Variants in INSYN2B observed in about 807,000 individuals in gnomAD.
INSYN2B encodes the protein inhibitory synaptic factor family member 2B, also known as protein INSYN2B.
INSYN2B carries 16 observed loss-of-function variants against 41.2 expected under a neutral mutation model. That is an observed-to-expected ratio of 0.39 (90% CI 0.26 to 0.59). INSYN2B has a LOEUF of 0.59. Among genes scored for constraint, INSYN2B ranks in the 20% least tolerant of loss-of-function variants. The pLI, the probability that INSYN2B is intolerant of heterozygous loss-of-function variation, is 0.57. For synonymous variants in INSYN2B, 245 were observed against 244.4 expected, an observed-to-expected ratio of 1.00 and a Z score of -0.02; for missense variants, 608 against 646.4, an observed-to-expected ratio of 0.94 and a Z score of 0.64.
intron 1 of INSYN2B, among the ~76,000 whole-genome samples, chr5:169,899,192 G>A: frequency 6.6e-6 from 1 of 152,306 alleles, no homozygotes; most frequent in Middle Eastern, 3.4e-3. Flanking sequence ...ATGATGACAA[G>A]GTGGCTGCTG....
chr5:169,867,447 A>ATCTG (rs80041345), intron 3 of INSYN2B, among the ~76,000 whole-genome samples: 46,900 of 150,456 alleles, frequency 0.31, 8,301 homozygotes, highest in East Asian at 0.68. Flanking sequence ...CTATCTATCT[A>ATCTG]TCTGTCTGTC....
intron 1 of INSYN2B, among the ~76,000 whole-genome samples, chr5:169,918,404 G>C (rs1774993880): frequency 6.6e-6 from 1 of 152,118 alleles, no homozygotes; most frequent in Non-Finnish European, 1.5e-5. Context: ...CTGTAGCACT[G>C]TTTATAAATC....
chr5:169,928,984 G>A (rs1025040073), intron 1 of INSYN2B, among the ~76,000 whole-genome samples: 7 of 152,196 alleles, frequency 4.6e-5, no homozygotes, highest in African/African-American at 1.7e-4. Context: ...GGCCAAACAT[G>A]TAGGATGAGG....
intron 1 of INSYN2B, among the ~76,000 whole-genome samples, chr5:169,970,573 G>T (rs1229801202): frequency 2.0e-5 from 3 of 152,172 alleles, no homozygotes; most frequent in African/African-American, 7.2e-5. Flanking sequence ...CTGGTCCATG[G>T]TTTCCCCATC....
rs536012300 is a variant in INSYN2B at position 169,973,664 on chromosome 5, C to G, written c.-919+6613G>C. On this transcript the variant is annotated intron_variant, in intron 1 of 3. Coordinates refer to ENST00000377365, the MANE Select transcript of INSYN2B (RefSeq NM_001129891.3). The stretch of plus-strand genomic sequence containing the variant: ...ATCTATGAGAAACTAGATATATTTC[C>G]CAGTATGCGGTATTGGTACCTCATA... Among the ~76,000 whole-genome samples the G allele has an allele frequency of 2.0e-4, 30 of 152,292 alleles. No individual in the cohort carries two copies. The South Asian group carries it at 6.2e-3, about 32-fold the overall frequency.
chr5:169,928,295 G>T (rs1294024396), intron 1 of INSYN2B, among the ~76,000 whole-genome samples: 1 of 152,004 alleles, frequency 6.6e-6, no homozygotes, highest in Non-Finnish European at 1.5e-5. Context: ...GCCTGTTCTT[G>T]CCCAGTCTGT....
chr5:169,970,917 G>A (rs1234640186), intron 1 of INSYN2B, among the ~76,000 whole-genome samples: 1 of 151,806 alleles, frequency 6.6e-6, no homozygotes, highest in Non-Finnish European at 1.5e-5. Context: ...TGGGAGCTGG[G>A]TGCAGGAAGA....
intron 3 of INSYN2B, among the ~76,000 whole-genome samples, chr5:169,867,481 CATCT>C (rs1401692358): frequency 6.6e-6 from 1 of 152,134 alleles, no homozygotes; most frequent in African/African-American, 2.4e-5. Flanking sequence ...ATCCATCTAT[CATCT>C]ATCTAATCTA....
In INSYN2B at chr5:169,893,499, A is replaced by T. The variant is rs377210986; in HGVS notation, c.-918-8683T>A. On this transcript the variant is annotated intron_variant, in intron 1 of 3. Coordinates refer to ENST00000377365, the MANE Select transcript of INSYN2B (RefSeq NM_001129891.3). ...TTACCCTTTTTTTTTTTTTTAGGTC[A>T]TACCACTTTTTGACTTTAAATAATT... Among the ~76,000 whole-genome samples the T allele has an allele frequency of 4.6e-3, 654 of 141,558 alleles. 7 individuals carry two copies. Among genetic ancestry groups the T allele is most frequent in the African/African-American group, 0.016 (609 of 37,664 alleles). 92.9% of individuals were successfully genotyped at this position (141,558 alleles called of 152,430 possible). A position where few individuals can be genotyped will look rare whatever the true frequency, so the allele number is the denominator to read the frequency against.
At chr5:169,963,259 G>A (rs895115177) in intron 1 of INSYN2B, among the ~76,000 whole-genome samples, 1 of 152,076 alleles carries the variant, frequency 6.6e-6, no homozygotes, top group Non-Finnish European at 1.5e-5. Flanking sequence ...CTGATGAGAT[G>A]GATGATGACA....
At chr5:169,922,036 C>T (rs566429760) in intron 1 of INSYN2B, among the ~76,000 whole-genome samples, 3 of 152,186 alleles carry the variant, frequency 2.0e-5, no homozygotes, top group Non-Finnish European at 4.4e-5. Flanking sequence ...AAGAGCTTTT[C>T]CATGACTCAA....
chr5:169,883,395 A>T lies in INSYN2B; in HGVS notation c.504T>A (p.His168Gln). Residue 168 changes from histidine to glutamine, a missense_variant, in exon 2 of 4, where the codon CAT (histidine) becomes CAA (glutamine). Physicochemically the swap from His to Gln is conservative, Grantham distance 24. Coordinates refer to ENST00000377365, the MANE Select transcript of INSYN2B (RefSeq NM_001129891.3). Reference protein sequence around the residue: ...EDGPRRVKVSHAFLPRVPKVQ... With the variant: ...EDGPRRVKVSQAFLPRVPKVQ... Reference sequence around the variant, plus strand: ...CCTTGGGGACCCTTGGGAGGAATGCATGGGACACCTTGACCCTTCGAGGCC... The same window carrying T: ...CCTTGGGGACCCTTGGGAGGAATGCTTGGGACACCTTGACCCTTCGAGGCC... The T allele has an allele frequency of 6.4e-7, 1 of 1,551,694 alleles. No individual in the cohort carries two copies. The highest frequency in any genetic ancestry group is 2.4e-5 in the East Asian group (1 of 40,918).
chr5:169,890,192 G>C (rs535539953), intron 1 of INSYN2B, among the ~76,000 whole-genome samples: 1 of 152,318 alleles, frequency 6.6e-6, no homozygotes, highest in Admixed American at 6.5e-5. Flanking sequence ...TAGCTGGCCA[G>C]ACATCTAATT....
intron 3 of INSYN2B, among the ~76,000 whole-genome samples, chr5:169,867,042 T>G (rs1415501150): frequency 1.3e-5 from 2 of 152,216 alleles, no homozygotes; most frequent in Non-Finnish European, 2.9e-5. Flanking sequence ...CCAAAACCCC[T>G]TCTTTGGGTT....
chr5:169,963,604 G>A (rs909381473), intron 1 of INSYN2B, among the ~76,000 whole-genome samples: 2 of 152,048 alleles, frequency 1.3e-5, no homozygotes, highest in East Asian at 1.9e-4. Flanking sequence ...GTTCCCCTCC[G>A]GTGCACATCA....
intron 1 of INSYN2B, among the ~76,000 whole-genome samples, chr5:169,921,953 G>A (rs1775198897): frequency 6.6e-6 from 1 of 152,206 alleles, no homozygotes; most frequent in Non-Finnish European, 1.5e-5. Context: ...CAGAGAGGTT[G>A]GAGGAGAGAA....
At chr5:169,891,050 G>A (rs1290090456) in intron 1 of INSYN2B, among the ~76,000 whole-genome samples, 2 of 152,186 alleles carry the variant, frequency 1.3e-5, no homozygotes, top group Non-Finnish European at 2.9e-5. Flanking sequence ...ACAACCCTAT[G>A]TCATCTGGCC....
intron 3 of INSYN2B, among the ~76,000 whole-genome samples, chr5:169,879,871 C>T (rs929931052): frequency 6.6e-6 from 1 of 152,026 alleles, no homozygotes; most frequent in Non-Finnish European, 1.5e-5. Context: ...CTTATATAGG[C>T]CAAATATAAA....
chr5:169,956,928 C>T (rs1776891040), intron 1 of INSYN2B, among the ~76,000 whole-genome samples: 1 of 152,062 alleles, frequency 6.6e-6, no homozygotes, highest in Non-Finnish European at 1.5e-5. Context: ...CCTGGAGGGC[C>T]TGCAGAGCCA....
Sources: allele counts gnomAD v4.1 joint callset (sites outside exome capture counted in the v4.1 genomes callset), GRCh38; gene constraint gnomAD v4.1.1; transcripts MANE v1.5; gene names NCBI Gene and HGNC (gene_info 2026-07-23, HGNC 2026-07-21).